Variants in PPARG observed in about 807,000 individuals in gnomAD.
The protein encoded by PPARG is peroxisome proliferator activated receptor gamma.
PPARG carries 17 observed loss-of-function variants against 39.2 expected under a neutral mutation model. The ratio of observed to expected loss-of-function variants is 0.43; its 90% CI spans 0.30 to 0.65. The LOEUF (loss-of-function observed/expected upper bound fraction) is 0.65, where lower values mean the gene tolerates loss of function less well. PPARG is among the 30% of genes least tolerant of loss of function. The pLI is 0.13. For synonymous variants in PPARG, 223 were observed against 215.7 expected (o/e 1.03, Z -0.30); for missense variants, 406 against 585.9 (o/e 0.69, Z 3.17).
chr3:12,292,762 TACTGGTAACAGCACACGGGGTGATGGGG>T (rs2046677966), intron 1 of PPARG, among the ~76,000 whole-genome samples: 1 of 152,152 alleles, frequency 6.6e-6, no homozygotes, highest in South Asian at 2.1e-4. Flanking sequence ...GATGGGAAGT[TACTGGTAACAGCACACGGGGTGATGGGG>T]TGAAGAGGCT....
intron 6 of PPARG, 60 bp downstream of exon 6, chr3:12,406,141 T>G: frequency 6.6e-7 from 1 of 1,514,642 alleles, no homozygotes; most frequent in Non-Finnish European, 9.1e-7. Context: ...GGTTTTTGTT[T>G]CTTTGAGTAA....
intron 2 of PPARG, among the ~76,000 whole-genome samples, chr3:12,339,762 T>G (rs1255409607): frequency 6.6e-6 from 1 of 152,232 alleles, no homozygotes; most frequent in East Asian, 1.9e-4. Context: ...CCAGGATTTC[T>G]TGCACACATG....
chr3:12,338,998 TA>T (rs2048094850), intron 2 of PPARG, among the ~76,000 whole-genome samples: 1 of 152,200 alleles, frequency 6.6e-6, no homozygotes, highest in Admixed American at 6.5e-5. Flanking sequence ...AAAACAGAGT[TA>T]AAAACTTTTC....
At chr3:12,377,098 G>A (rs139253193) in intron 2 of PPARG, among the ~76,000 whole-genome samples, 26 of 152,168 alleles carry the variant, frequency 1.7e-4, no homozygotes, top group African/African-American at 5.3e-4. Flanking sequence ...CTGCACCCTC[G>A]GTGGCTCACA....
At chr3:12,408,718 C>CA (rs2050769184) in intron 6 of PPARG, among the ~76,000 whole-genome samples, 1 of 151,888 alleles carries the variant, frequency 6.6e-6, no homozygotes, top group Non-Finnish European at 1.5e-5. Flanking sequence ...TGTGAGCCAC[C>CA]AGCCATGGTT....
intron 4 of PPARG, among the ~76,000 whole-genome samples, chr3:12,381,985 A>T (rs2049684926): frequency 6.6e-6 from 1 of 152,066 alleles, no homozygotes. Flanking sequence ...GATTTTACAG[A>T]TTATTTATAT....
chr3:12,318,736 C>T (rs1374222806), intron 2 of PPARG, among the ~76,000 whole-genome samples: 2 of 152,014 alleles, frequency 1.3e-5, no homozygotes, highest in African/African-American at 2.4e-5. Flanking sequence ...CTTTGGGTAC[C>T]GCCAATAACT....
intron 2 of PPARG, among the ~76,000 whole-genome samples, chr3:12,315,008 G>A (rs566472522): frequency 7.9e-5 from 12 of 152,088 alleles, no homozygotes; most frequent in Non-Finnish European, 1.5e-4. Context: ...GAAAATATAC[G>A]ATAGGTTGCT....
At chr3:12,371,459 T>G (rs529649334) in intron 2 of PPARG, among the ~76,000 whole-genome samples, 3 of 152,220 alleles carry the variant, frequency 2.0e-5, no homozygotes, top group Non-Finnish European at 4.4e-5. Flanking sequence ...AATTCAGAGT[T>G]CATGACTTTT....
At chr3:12,312,103 G>T (rs2124995459) in intron 1 of PPARG, among the ~76,000 whole-genome samples, 1 of 152,276 alleles carries the variant, frequency 6.6e-6, no homozygotes, top group South Asian at 2.1e-4. Context: ...TAGGAAAGTA[G>T]GTGAAGTGAT....
chr3:12,321,615 T>C (rs2047547818), intron 2 of PPARG, among the ~76,000 whole-genome samples: 2 of 152,206 alleles, frequency 1.3e-5, no homozygotes, highest in South Asian at 4.1e-4. Flanking sequence ...ATCCATCGTT[T>C]CCATCATCCT....
chr3:12,297,737 T>C (rs1390503773), intron 1 of PPARG: 1 of 152,158 alleles, frequency 6.6e-6, no homozygotes, highest in Admixed American at 6.5e-5. Context: ...ATCTTTAGCA[T>C]ATGCTGGCAA....
At chr3:12,310,867 C>T (rs1038665181) in intron 1 of PPARG, among the ~76,000 whole-genome samples, 2 of 142,134 alleles carry the variant, frequency 1.4e-5, no homozygotes, top group African/African-American at 5.2e-5. Flanking sequence ...TCTCATCTCT[C>T]ATGTGTTTTG....
chr3:12,370,478 G>A (rs1013061205), intron 2 of PPARG, among the ~76,000 whole-genome samples: 3 of 152,112 alleles, frequency 2.0e-5, no homozygotes, highest in African/African-American at 7.2e-5. Flanking sequence ...TCAGGAATAC[G>A]TTTCAAGTAC....
At chr3:12,305,321 T>A (rs1037897734) in intron 1 of PPARG, among the ~76,000 whole-genome samples, 2 of 152,218 alleles carry the variant, frequency 1.3e-5, no homozygotes, top group African/African-American at 4.8e-5. Context: ...AACAGAAATG[T>A]TATGTTGCTC....
At chr3:12,332,746 A>C (rs1262117417) in intron 2 of PPARG, among the ~76,000 whole-genome samples, 1 of 152,178 alleles carries the variant, frequency 6.6e-6, no homozygotes, top group African/African-American at 2.4e-5. Flanking sequence ...AGAACCATCC[A>C]AAGGCCAGGA....
intron 1 of PPARG, among the ~76,000 whole-genome samples, chr3:12,306,614 C>T (rs1225008905): frequency 6.6e-6 from 1 of 152,144 alleles, no homozygotes; most frequent in African/African-American, 2.4e-5. Context: ...AACAATTAGA[C>T]CTATACAGGT....
intron 1 of PPARG, among the ~76,000 whole-genome samples, chr3:12,295,514 AT>A (rs5741526): frequency 0.36 from 50,537 of 141,586 alleles, 9,412 homozygotes; most frequent in African/African-American, 0.54. Flanking sequence ...TCAAAAAAAA[AT>A]TTTTTTTTTT....
chr3:12,303,924 C>T (rs951536971), intron 1 of PPARG, among the ~76,000 whole-genome samples: 12 of 152,212 alleles, frequency 7.9e-5, no homozygotes, highest in Non-Finnish European at 1.6e-4. Flanking sequence ...TATTGGAACA[C>T]CAGTACATAT....
Sources: allele counts gnomAD v4.1 joint callset (sites outside exome capture counted in the v4.1 genomes callset), GRCh38; gene constraint gnomAD v4.1.1; transcripts MANE v1.5; gene names NCBI Gene and HGNC (gene_info 2026-07-23, HGNC 2026-07-21).